The following SH3GL3 variants were observed in gnomAD, a reference collection of about 807,000 sequenced individuals.
The protein encoded by SH3GL3 is endophilin-A3.
SH3GL3 carries 33 observed loss-of-function variants against 47.7 expected under a neutral mutation model. The observed-to-expected ratio is 0.69, with a 90% confidence interval of 0.52 to 0.92. The LOEUF is 0.92. SH3GL3 is among the 40% of genes least tolerant of loss of function. The pLI, the probability that SH3GL3 is intolerant of heterozygous loss-of-function variation, is 0.00. For synonymous variants in SH3GL3, 155 were observed against 148.8 expected (o/e 1.04, Z -0.30); for missense variants, 363 against 417.8 (o/e 0.87, Z 1.14).
chr15:83,470,174 A>G (rs911653983), intron 1 of SH3GL3, among the ~76,000 whole-genome samples: 3 of 152,036 alleles, frequency 2.0e-5, no homozygotes, highest in Non-Finnish European at 4.4e-5. Flanking sequence ...CTCGCATAAT[A>G]TATACATTTT....
chr15:83,572,775 G>GT, intron 5 of SH3GL3, 77 bp downstream of exon 5: 4 of 1,085,504 alleles, frequency 3.7e-6, no homozygotes, highest in Non-Finnish European at 5.4e-6. Flanking sequence ...GAACGTTTCA[G>GT]CAGACTGAAA....
At chr15:83,631,822 T>C in the SH3GL3 span, among the ~76,000 whole-genome samples, 1 of 152,204 alleles carries the variant, frequency 6.6e-6, no homozygotes, top group African/African-American at 2.4e-5. Flanking sequence ...GGGGACATTT[T>C]CCCCATTGTC....
Position 83,568,556 on chromosome 15 carries a change from A to G in SH3GL3, c.215A>G (p.Asn72Ser), listed in dbSNP as rs933280142. Reference sequence around the variant, plus strand: ...TACAGAGCTAAGCTAGGAATGCTGAACACTGTGTCGAAGATCCGAGGGCAG... The same window carrying G: ...TACAGAGCTAAGCTAGGAATGCTGAGCACTGTGTCGAAGATCCGAGGGCAG... ...PAYRAKLGML[N>S]TVSKIRGQVK... Residue 72 changes from asparagine (N) to serine (S), a missense_variant, in exon 4 of 9, where the codon AAC (asparagine) becomes AGC (serine). Physicochemically the swap from Asn to Ser is conservative, Grantham distance 46 (BLOSUM62 1). Transcript: ENST00000427482. 5.0e-6 allele frequency: 8 copies of G among 1,613,558 alleles called. No individual in the cohort carries two copies. In the African/African-American group the frequency reaches 5.3e-5, roughly 11 times the overall value.
At chr15:83,490,675 C>G in intron 1 of SH3GL3, 1 of 1,205,802 alleles carries the variant, frequency 8.3e-7, no homozygotes. Flanking sequence ...AGGATAGCAC[C>G]TGCACATCAG....
chr15:83,628,045 C>T, the SH3GL3 span, among the ~76,000 whole-genome samples: 1 of 152,156 alleles, frequency 6.6e-6, no homozygotes, highest in Non-Finnish European at 1.5e-5. Flanking sequence ...AGGGACAGAG[C>T]CTATAACATT....
chr15:83,559,559 C>T (rs753442483), intron 2 of SH3GL3, among the ~76,000 whole-genome samples: 8 of 152,298 alleles, frequency 5.3e-5, no homozygotes, highest in Non-Finnish European at 1.0e-4. Flanking sequence ...CTGGTACCCT[C>T]TAGTGGCCAG....
intron 1 of SH3GL3, among the ~76,000 whole-genome samples, chr15:83,497,431 AG>A (rs1481557924): frequency 6.6e-6 from 1 of 152,134 alleles, no homozygotes; most frequent in Non-Finnish European, 1.5e-5. Context: ...ATAAATATGG[AG>A]GGCTATGTAA....
chr15:83,625,727 A>G, the SH3GL3 span, among the ~76,000 whole-genome samples: 1 of 152,104 alleles, frequency 6.6e-6, no homozygotes, highest in African/African-American at 2.4e-5. Flanking sequence ...CTCTTTAGGT[A>G]TACGTAATGA....
At chr15:83,543,207 A>G (rs2044248496) in intron 1 of SH3GL3, among the ~76,000 whole-genome samples, 1 of 152,076 alleles carries the variant, frequency 6.6e-6, no homozygotes, top group African/African-American at 2.4e-5. Context: ...AATTTTATCA[A>G]ATGATTTTTC....
At chr15:83,484,091 G>T (rs1334656424) in intron 1 of SH3GL3, among the ~76,000 whole-genome samples, 2 of 152,132 alleles carry the variant, frequency 1.3e-5, no homozygotes, top group African/African-American at 4.8e-5. Flanking sequence ...ACTACTGATT[G>T]TATCTTTCAG....
At chr15:83,563,080 C>T (rs1250549946) in intron 2 of SH3GL3, among the ~76,000 whole-genome samples, 1 of 152,156 alleles carries the variant, frequency 6.6e-6, no homozygotes, top group Non-Finnish European at 1.5e-5. Context: ...GGAACAAATA[C>T]GATTTCAGGC....
intron 1 of SH3GL3, among the ~76,000 whole-genome samples, chr15:83,551,657 G>A (rs1398165860): frequency 6.6e-6 from 1 of 151,992 alleles, no homozygotes; most frequent in Non-Finnish European, 1.5e-5. Flanking sequence ...AGTCTCCATT[G>A]TCCCCAGAAT....
At chr15:83,480,728 C>G (rs1309659260) in intron 1 of SH3GL3, among the ~76,000 whole-genome samples, 1 of 152,170 alleles carries the variant, frequency 6.6e-6, no homozygotes, top group African/African-American at 2.4e-5. Context: ...AGAATAACAA[C>G]TATTTATTTA....
At chr15:83,617,144 C>T (rs2060845333) in intron 8 of SH3GL3, among the ~76,000 whole-genome samples, 1 of 152,134 alleles carries the variant, frequency 6.6e-6, no homozygotes, top group African/African-American at 2.4e-5. Context: ...TTACAATTAG[C>T]ATGATTTTGT....
At chr15:83,522,706 T>C (rs2642817) in intron 1 of SH3GL3, among the ~76,000 whole-genome samples, 124,470 of 152,208 alleles carry the variant, frequency 0.82, 51,153 homozygotes, top group South Asian at 0.9. Context: ...TTCAGGTTGA[T>C]AAAGAAGAGG....
At chr15:83,478,117 G>T (rs1005876220) in intron 1 of SH3GL3, among the ~76,000 whole-genome samples, 6 of 152,138 alleles carry the variant, frequency 3.9e-5, no homozygotes, top group Non-Finnish European at 8.8e-5. Flanking sequence ...TAAACCGAAA[G>T]CTGAAGGGAC....
chr15:83,556,317 A>G (rs1045560667), intron 1 of SH3GL3, among the ~76,000 whole-genome samples: 8 of 152,248 alleles, frequency 5.3e-5, no homozygotes, highest in African/African-American at 1.9e-4. Context: ...ATGTGTATTT[A>G]TACTTAATGT....
intron 6 of SH3GL3, among the ~76,000 whole-genome samples, chr15:83,578,668 TTTTTAC>T (rs1300908160): frequency 4.6e-5 from 7 of 152,128 alleles, no homozygotes; most frequent in Non-Finnish European, 1.0e-4. Flanking sequence ...TTTTTTTTTT[TTTTTAC>T]ATTTTTTTTG....
chr15:83,482,731 A>G (rs113100902), intron 1 of SH3GL3, among the ~76,000 whole-genome samples: 54 of 152,146 alleles, frequency 3.5e-4, no homozygotes, highest in African/African-American at 1.2e-3. Context: ...ACCTCAGGTG[A>G]TCCACCCACC....
Sources: allele counts gnomAD v4.1 joint callset (sites outside exome capture counted in the v4.1 genomes callset), GRCh38; gene constraint gnomAD v4.1.1; transcripts MANE v1.5; gene names NCBI Gene and HGNC (gene_info 2026-07-23, HGNC 2026-07-21).